COPG2: variants seen among roughly 807,000 people sequenced by gnomAD.
COPG2 encodes coat protein complex I subunit gamma 2.
In COPG2, 37 loss-of-function variants were observed where a neutral mutation model predicts 46.3. That is an observed-to-expected ratio of 0.80 (90% CI 0.61 to 1.05). The LOEUF is 1.05. Among genes scored for constraint, COPG2 ranks in the 50% least tolerant of loss-of-function variants. The pLI, the probability that COPG2 is intolerant of heterozygous loss-of-function variation, is 0.00. For synonymous variants in COPG2, 159 were observed against 129.7 expected (o/e 1.23, Z -1.53); for missense variants, 427 against 387.8 (o/e 1.10, Z -0.85).
intron 12 of COPG2, among the ~76,000 whole-genome samples, chr7:130,557,677 G>A (rs1276026383): frequency 6.6e-6 from 1 of 150,922 alleles, no homozygotes; most frequent in Non-Finnish European, 1.5e-5. Context: ...GCATGGTGGC[G>A]GGTGGCGGGT....
chr7:130,654,577 T>C (rs955018330), intron 4 of COPG2, among the ~76,000 whole-genome samples: 6 of 152,306 alleles, frequency 3.9e-5, no homozygotes, highest in Non-Finnish European at 7.4e-5. Flanking sequence ...TATACACATA[T>C]GTTGATATAC....
intron 5 of COPG2, among the ~76,000 whole-genome samples, chr7:130,638,919 T>C (rs1795403619): frequency 6.6e-6 from 1 of 152,208 alleles, no homozygotes; most frequent in South Asian, 2.1e-4. Flanking sequence ...AAGCGTAGTA[T>C]CTGGGCTGAA....
At chr7:130,549,989 C>CTG (rs1793509600) in intron 17 of COPG2, among the ~76,000 whole-genome samples, 1 of 152,160 alleles carries the variant, frequency 6.6e-6, no homozygotes, top group Non-Finnish European at 1.5e-5. Context: ...ACTTCAGATA[C>CTG]TGTAATGCTT....
In COPG2 at chr7:130,507,390, A is replaced by G. The variant is rs782034543; in HGVS notation, c.2387-18T>C. ...GACAGCCTCTGTGTTGAGAAGATGT[A>G]TGAGACAGTATTAGGAAAGTAAAGC... On this transcript the variant is annotated intron_variant, in intron 22 of 23. Coordinates refer to ENST00000425248, the MANE Select transcript of COPG2 (RefSeq NM_012133.6). 34 of 780,386 alleles carry G rather than the reference A, an allele frequency of 4.4e-5. No homozygotes were observed. The South Asian group carries it at 4.4e-4, about 10-fold the overall frequency. The allele number at this position is 780,386 out of a possible 1,614,324, so 48.3% of individuals were successfully genotyped here.
At chr7:130,623,464 C>T (rs1010277562) in intron 5 of COPG2, among the ~76,000 whole-genome samples, 13 of 152,140 alleles carry the variant, frequency 8.5e-5, no homozygotes, top group Non-Finnish European at 1.3e-4. Context: ...TAATTGTACA[C>T]GCCTTAGATT....
At chr7:130,623,448 C>T in intron 5 of COPG2, among the ~76,000 whole-genome samples, 1 of 152,194 alleles carries the variant, frequency 6.6e-6, no homozygotes, top group East Asian at 1.9e-4. Flanking sequence ...CAGTACCATG[C>T]TGTTTTAATT....
At chr7:130,586,102 G>GT (rs1352930103) in intron 9 of COPG2, among the ~76,000 whole-genome samples, 2 of 152,072 alleles carry the variant, frequency 1.3e-5, no homozygotes, top group Non-Finnish European at 2.9e-5. Flanking sequence ...TAAGGAAACT[G>GT]TGGTATATTT....
chr7:130,523,119 C>CAAA (rs1308994776), intron 20 of COPG2, among the ~76,000 whole-genome samples: 8 of 57,522 alleles, frequency 1.4e-4, no homozygotes, highest in Non-Finnish European at 2.3e-4. Context: ...ACTCTTCTCT[C>CAAA]AAAAAAAAAA....
chr7:130,596,315 C>T (rs1207319489), intron 9 of COPG2, among the ~76,000 whole-genome samples: 1 of 152,196 alleles, frequency 6.6e-6, no homozygotes, highest in Admixed American at 6.5e-5. Flanking sequence ...ATACTTCACA[C>T]AAAAGTTTAG....
At chr7:130,588,347 G>A (rs1162179618) in intron 9 of COPG2, among the ~76,000 whole-genome samples, 2 of 151,682 alleles carry the variant, frequency 1.3e-5, no homozygotes, top group Admixed American at 6.6e-5. Context: ...ACATGCACAC[G>A]TATGTTTATT....
chr7:130,624,101 AG>A (rs780236237), intron 5 of COPG2, among the ~76,000 whole-genome samples: 19 of 152,226 alleles, frequency 1.2e-4, no homozygotes, highest in Non-Finnish European at 2.5e-4. Flanking sequence ...ACATGGTAGA[AG>A]AGACTAGCTA....
intron 9 of COPG2, among the ~76,000 whole-genome samples, chr7:130,590,345 C>A (rs980121215): frequency 6.6e-6 from 1 of 152,220 alleles, no homozygotes; most frequent in East Asian, 1.9e-4. Flanking sequence ...CGGCTCACTG[C>A]AACCTCCCTG....
chr7:130,622,169 C>T (rs934844437), intron 5 of COPG2, among the ~76,000 whole-genome samples: 2 of 152,000 alleles, frequency 1.3e-5, no homozygotes, highest in African/African-American at 4.8e-5. Flanking sequence ...AAGACCTTTC[C>T]TTGAGTGGGT....
At chr7:130,663,081 T>C in intron 3 of COPG2, 43 bp from the exon 4 acceptor site, 1 of 1,082,190 alleles carries the variant, frequency 9.2e-7, no homozygotes. Context: ...AAAAAGTGTA[T>C]ATTCATATAT....
intron 9 of COPG2, among the ~76,000 whole-genome samples, chr7:130,589,979 T>C (rs891420185): frequency 2.6e-5 from 4 of 152,242 alleles, no homozygotes; most frequent in Non-Finnish European, 4.4e-5. Context: ...TAACTTTATG[T>C]ATTTTTTAAT....
At chr7:130,578,186 G>A (rs1260248056) in intron 9 of COPG2, among the ~76,000 whole-genome samples, 2 of 149,362 alleles carry the variant, frequency 1.3e-5, no homozygotes, top group Non-Finnish European at 3.0e-5. Flanking sequence ...GTGGGTCCCT[G>A]ACCCCTGACC....
chr7:130,558,262 C>A (rs1434908239), intron 12 of COPG2, among the ~76,000 whole-genome samples: 1 of 151,950 alleles, frequency 6.6e-6, no homozygotes, highest in Non-Finnish European at 1.5e-5. Flanking sequence ...GGCGGATTTC[C>A]CTGCTGGTGC....
At chr7:130,590,775 G>A (rs1247439567) in intron 9 of COPG2, among the ~76,000 whole-genome samples, 5 of 151,066 alleles carry the variant, frequency 3.3e-5, no homozygotes, top group African/African-American at 4.9e-5. Flanking sequence ...AGTGAGGAGC[G>A]TCTCTGCCTG....
chr7:130,651,377 C>T (rs1554459036), intron 5 of COPG2, among the ~76,000 whole-genome samples: 2 of 151,122 alleles, frequency 1.3e-5, no homozygotes, highest in Non-Finnish European at 2.9e-5. Context: ...AGTGCAGTGG[C>T]ACGATCTCGG....
Sources: gnomAD v4.1 joint callset for allele counts (sites outside exome capture counted in the v4.1 genomes callset) on GRCh38, gnomAD v4.1.1 for gene constraint, MANE v1.5 for transcripts, NCBI Gene and HGNC (gene_info 2026-07-23, HGNC 2026-07-21) for gene names.